The following KCNN2 variants were observed in gnomAD, a reference collection of about 807,000 sequenced individuals.
KCNN2 encodes potassium calcium-activated channel subfamily N member 2.
In KCNN2, 24 loss-of-function variants were observed where a neutral mutation model predicts 55.5. The observed-to-expected ratio is 0.43, with a 90% CI of 0.31 to 0.61. The LOEUF (loss-of-function observed/expected upper bound fraction) is 0.61, where lower values mean the gene tolerates loss of function less well. Ranked by LOEUF, KCNN2 falls within the 20% of genes least tolerant of loss-of-function variation. The pLI, the probability that KCNN2 is intolerant of heterozygous loss-of-function variation, is 0.08. For missense variants in KCNN2, 754 were observed against 853.6 expected (o/e 0.88, Z 1.45); for synonymous variants, 431 against 336.1 (o/e 1.28, Z -3.09).
chr5:114,345,711 C>G (rs753246068), intron 2 of KCNN2, among the ~76,000 whole-genome samples: 1 of 152,162 alleles, frequency 6.6e-6, no homozygotes, highest in African/African-American at 2.4e-5. Flanking sequence ...TTAATTGGCT[C>G]ACAGTTCTGC....
Position 114,317,888 on chromosome 5 carries a change from G to A in KCNN2, c.-184-43057G>A, listed in dbSNP as rs903031799. The stretch of plus-strand genomic sequence containing the variant: ...AGGCAACGTGCCTGCCCATCTTCAC[G>A]GCAGCACAAGTATGACTATGAAATG... On this transcript the variant is annotated intron_variant, in intron 2 of 10. Transcript: ENST00000512097. Among the ~76,000 whole-genome samples the A allele has an allele frequency of 4.6e-5, 7 of 152,178 alleles. No homozygotes were observed. In the East Asian group the frequency reaches 5.8e-4, roughly 13 times the overall value.
chr5:114,367,119 C>T (rs1382845997), intron 2 of KCNN2, among the ~76,000 whole-genome samples: 2 of 152,072 alleles, frequency 1.3e-5, no homozygotes, highest in Non-Finnish European at 2.9e-5. Context: ...TCCGTGTGAC[C>T]TTTTATAAAA....
chr5:114,477,410 C>G (rs564554482), intron 5 of KCNN2, among the ~76,000 whole-genome samples: 3 of 152,124 alleles, frequency 2.0e-5, no homozygotes, highest in Non-Finnish European at 4.4e-5. Context: ...AAGTAAAATA[C>G]TGTATTTGAA....
At chr5:114,172,936 G>C (rs1753067020) in intron 1 of KCNN2, among the ~76,000 whole-genome samples, 1 of 151,692 alleles carries the variant, frequency 6.6e-6, no homozygotes, top group Non-Finnish European at 1.5e-5. Context: ...TTTTTAACTT[G>C]ATATGATCCC....
chr5:114,368,534 G>C (rs1283844288), intron 2 of KCNN2, among the ~76,000 whole-genome samples: 2 of 152,162 alleles, frequency 1.3e-5, no homozygotes, highest in Non-Finnish European at 2.9e-5. Context: ...GCTATGTGAA[G>C]GCTCAAGTCT....
chr5:114,374,072 A>G (rs1163509913), intron 2 of KCNN2, among the ~76,000 whole-genome samples: 3 of 152,096 alleles, frequency 2.0e-5, no homozygotes, highest in African/African-American at 7.2e-5. Context: ...TTGTTCAGGT[A>G]CTATGATGTT....
intron 2 of KCNN2, among the ~76,000 whole-genome samples, chr5:114,258,349 T>C (rs140265422): frequency 0.022 from 3,363 of 152,124 alleles, 134 homozygotes; most frequent in African/African-American, 0.076. Context: ...TAGGGTGACA[T>C]TGGCTTCTAG....
intron 1 of KCNN2, among the ~76,000 whole-genome samples, chr5:114,070,228 G>C (rs1216651094): frequency 6.6e-6 from 1 of 152,148 alleles, no homozygotes; most frequent in East Asian, 1.9e-4. Context: ...TTCTCTGCCA[G>C]TCTTGCCAGT....
chr5:114,160,388 T>A (rs1752744347), intron 1 of KCNN2, among the ~76,000 whole-genome samples: 1 of 152,198 alleles, frequency 6.6e-6, no homozygotes, highest in East Asian at 1.9e-4. Flanking sequence ...ATAATTTCTA[T>A]TCTTTTACAT....
At chr5:114,285,181 G>C (rs1342980286) in intron 2 of KCNN2, among the ~76,000 whole-genome samples, 2 of 150,612 alleles carry the variant, frequency 1.3e-5, no homozygotes. Context: ...CTACTGGGGA[G>C]GCTGAGGCAG....
intron 2 of KCNN2, among the ~76,000 whole-genome samples, chr5:114,284,810 G>A (rs571097131): frequency 7.2e-5 from 11 of 151,908 alleles, no homozygotes; most frequent in East Asian, 4.0e-4. Context: ...CAGCCACCGC[G>A]CCTAGCCGAT....
At chr5:114,428,986 G>A (rs1231108050) in intron 3 of KCNN2, among the ~76,000 whole-genome samples, 1 of 151,994 alleles carries the variant, frequency 6.6e-6, no homozygotes, top group East Asian at 1.9e-4. Flanking sequence ...CATCTTGGTG[G>A]CTTCCAAGTT....
At chr5:114,483,880 G>T (rs917332089) in intron 5 of KCNN2, among the ~76,000 whole-genome samples, 20 of 152,016 alleles carry the variant, frequency 1.3e-4, no homozygotes, top group Non-Finnish European at 7.4e-5. Context: ...ATGTTTGATG[G>T]ACATCGGTAA....
chr5:114,266,753 A>T (rs1755214535), intron 2 of KCNN2, among the ~76,000 whole-genome samples: 1 of 152,194 alleles, frequency 6.6e-6, no homozygotes. Context: ...TTTGAGGGGA[A>T]CATACTCTAG....
intron 1 of KCNN2, among the ~76,000 whole-genome samples, chr5:114,212,769 A>G (rs1753915425): frequency 1.3e-5 from 2 of 152,066 alleles, no homozygotes; most frequent in Non-Finnish European, 1.5e-5. Context: ...AGTGATTTTT[A>G]TAAATAAGAT....
At chr5:114,087,199 T>G (rs751825675) in intron 1 of KCNN2, among the ~76,000 whole-genome samples, 1 of 152,130 alleles carries the variant, frequency 6.6e-6, no homozygotes, top group Non-Finnish European at 1.5e-5. Flanking sequence ...GCATAGCTCA[T>G]GACTATTTTC....
intron 3 of KCNN2, chr5:114,433,396 G>A (rs1482319844): frequency 4.6e-5 from 7 of 152,250 alleles, no homozygotes; most frequent in African/African-American, 1.7e-4. Flanking sequence ...CTAGCTCAGG[G>A]ATTGTAAACA....
chr5:114,364,852 C>T (rs1372448826), intron 2 of KCNN2, among the ~76,000 whole-genome samples: 1 of 150,998 alleles, frequency 6.6e-6, no homozygotes, highest in African/African-American at 2.4e-5. Context: ...GTGGCTCAGT[C>T]CTGTGGTCCT....
In KCNN2 at chr5:114,468,152, G is replaced by A. The variant is rs74872268; in HGVS notation, c.1780-4902G>A. Among the ~76,000 whole-genome samples, 136 of 152,158 alleles carry A rather than the reference G, an allele frequency of 8.9e-4. 3 individuals carry two copies. The East Asian group carries it at 0.023, about 26-fold the overall frequency. ...ACTTGTATTTGAAGACACTTAGAGG[G>A]CATTTTTGATAGAATTTGTCATCAA... On this transcript the variant is annotated intron_variant, in intron 4 of 7. Transcript: ENST00000673685.
Sources: gnomAD v4.1 joint callset for allele counts (sites outside exome capture counted in the v4.1 genomes callset) on GRCh38, gnomAD v4.1.1 for gene constraint, MANE v1.5 for transcripts, NCBI Gene and HGNC (gene_info 2026-07-23, HGNC 2026-07-21) for gene names.